Variants in LOC122539214 observed in about 807,000 individuals in gnomAD.
the LOC122539214 span, among the ~76,000 whole-genome samples, chr19:52,688,912 G>C: frequency 6.8e-6 from 1 of 147,280 alleles, no homozygotes; most frequent in African/African-American, 2.5e-5. Context: ...TAAATGAATG[G>C]GCTCCAGACA....
chr19:52,672,513 T>G, the LOC122539214 span, among the ~76,000 whole-genome samples: 1 of 152,248 alleles, frequency 6.6e-6, no homozygotes, highest in Non-Finnish European at 1.5e-5. Context: ...GATGGGAGGC[T>G]GAGGCAGGAG....
chr19:52,683,226 C>CTGTG, the LOC122539214 span, among the ~76,000 whole-genome samples: 3 of 135,652 alleles, frequency 2.2e-5, no homozygotes, highest in African/African-American at 8.2e-5. Flanking sequence ...TGCCCTGTGA[C>CTGTG]TCTGTGTGTG....
the LOC122539214 span, among the ~76,000 whole-genome samples, chr19:52,683,233 T>TGG: frequency 2.8e-4 from 4 of 14,276 alleles, no homozygotes; most frequent in East Asian, 4.2e-3. Context: ...TGACTCTGTG[T>TGG]GTGTGTGTGT....
the LOC122539214 span, chr19:52,654,465 C>T: frequency 1.5e-6 from 1 of 674,498 alleles, no homozygotes; most frequent in South Asian, 3.3e-5. Flanking sequence ...ATATTTAATA[C>T]TGAAATGTGT....
At chr19:52,669,864 T>C in the LOC122539214 span, among the ~76,000 whole-genome samples, 1 of 152,172 alleles carries the variant, frequency 6.6e-6, no homozygotes. Flanking sequence ...TCCTCCACCT[T>C]ATCCAAAGAA....
At chr19:52,678,146 G>A in the LOC122539214 span, among the ~76,000 whole-genome samples, 1 of 151,968 alleles carries the variant, frequency 6.6e-6, no homozygotes, top group African/African-American at 2.4e-5. Context: ...AACTAAAATG[G>A]TTGCATATGA....
chr19:52,666,002 CA>C, the LOC122539214 span, among the ~76,000 whole-genome samples: 972 of 144,256 alleles, frequency 6.7e-3, 5 homozygotes, highest in African/African-American at 0.012. Flanking sequence ...ACTAAAAATA[CA>C]AAAAAAAAAA....
chr19:52,655,531 T>G, the LOC122539214 span: 1 of 1,456,746 alleles, frequency 6.9e-7, no homozygotes, highest in Non-Finnish European at 9.6e-7. Context: ...AAGGGCAGAT[T>G]CCTCACATCA....
At chr19:52,671,518 C>T in the LOC122539214 span, among the ~76,000 whole-genome samples, 5 of 151,968 alleles carry the variant, frequency 3.3e-5, no homozygotes, top group Admixed American at 3.3e-4. Flanking sequence ...AACACTGCTC[C>T]TTGCACCCTC....
the LOC122539214 span, among the ~76,000 whole-genome samples, chr19:52,673,074 G>A: frequency 6.6e-6 from 1 of 152,130 alleles, no homozygotes; most frequent in South Asian, 2.1e-4. Context: ...AAAAAAAACT[G>A]GATGTGAGCC....
At chr19:52,686,755 T>C in the LOC122539214 span, among the ~76,000 whole-genome samples, 12 of 152,194 alleles carry the variant, frequency 7.9e-5, no homozygotes, top group Non-Finnish European at 1.0e-4. Context: ...GTATTTTTCA[T>C]AGAGACGGCG....
chr19:52,687,621 TATATATATA>T, the LOC122539214 span, among the ~76,000 whole-genome samples: 3 of 18,148 alleles, frequency 1.7e-4, no homozygotes, highest in African/African-American at 9.8e-4. Flanking sequence ...AATGTGTATA[TATATATATA>T]ATGTATATAT....
At chr19:52,670,165 C>T in the LOC122539214 span, among the ~76,000 whole-genome samples, 1 of 151,988 alleles carries the variant, frequency 6.6e-6, no homozygotes, top group Non-Finnish European at 1.5e-5. Flanking sequence ...TGCCTCATTC[C>T]AATCACCTGC....
chr19:52,652,941 CAT>C, the LOC122539214 span: 1 of 1,210,982 alleles, frequency 8.3e-7, no homozygotes, highest in Non-Finnish European at 1.2e-6. Flanking sequence ...CAAAGGATGA[CAT>C]ATGACTGAAG....
chr19:52,676,171 CG>C, the LOC122539214 span, among the ~76,000 whole-genome samples: 1 of 152,174 alleles, frequency 6.6e-6, no homozygotes, highest in Non-Finnish European at 1.5e-5. Flanking sequence ...TTGGTGGAGA[CG>C]GGGTTTCGCT....
chr19:52,685,671 C>A, the LOC122539214 span, among the ~76,000 whole-genome samples: 1 of 151,930 alleles, frequency 6.6e-6, no homozygotes, highest in East Asian at 1.9e-4. Flanking sequence ...TCGAGGTGGG[C>A]AGATCACCTG....
At chr19:52,652,782 A>G in the LOC122539214 span, 4 of 849,848 alleles carry the variant, frequency 4.7e-6, no homozygotes, top group South Asian at 4.2e-5. Flanking sequence ...ACTGCCCACT[A>G]AAGGCTTTGC....
chr19:52,670,075 C>CT, the LOC122539214 span, among the ~76,000 whole-genome samples: 2 of 152,146 alleles, frequency 1.3e-5, no homozygotes, highest in Admixed American at 1.3e-4. Flanking sequence ...ATAAAGCAAC[C>CT]TTTTTCGATC....
the LOC122539214 span, among the ~76,000 whole-genome samples, chr19:52,677,898 G>T: frequency 6.6e-6 from 1 of 151,912 alleles, no homozygotes; most frequent in African/African-American, 2.4e-5. Context: ...AGCTGGGCAT[G>T]GTGGCACGTG....
Sources: allele counts gnomAD v4.1 joint callset (sites outside exome capture counted in the v4.1 genomes callset), GRCh38; gene constraint gnomAD v4.1.1; transcripts MANE v1.5.